CCDC33: variants seen among roughly 807,000 people sequenced by gnomAD.
CCDC33 encodes the protein coiled-coil domain-containing protein 33.
CCDC33 carries 94 observed loss-of-function variants against 91.9 expected under a neutral mutation model. That is an observed-to-expected ratio of 1.02 (90% CI 0.87 to 1.21). The LOEUF is 1.21. Ranked by LOEUF, CCDC33 falls within the 50% of genes most tolerant of loss-of-function variation. The probability of loss-of-function intolerance (pLI) is 0.00; values close to 1 mark genes in which losing one functional copy is unlikely to be tolerated. For synonymous variants in CCDC33, 396 were observed against 374.5 expected (o/e 1.06, Z -0.66); for missense variants, 940 against 935.5 (o/e 1.00, Z -0.06).
chr15:74,244,354 G>A lies in CCDC33; in HGVS notation c.185+206G>A, dbSNP rs1026475071. ...GGGCTGGGGAAGACAGGGTGCCAAC[G>A]GATCCAGAGAGTCACCCCTCCCCAC... On this transcript the variant is annotated intron_variant, in intron 2 of 18. Transcript: ENST00000398814. This position sits in a 1 kb window ranked among gnomAD's most constrained non-coding sequence, Gnocchi z 4.2. 2.0e-5 allele frequency among the ~76,000 whole-genome samples: 3 copies of A among 152,186 alleles called. No individual in the cohort carries two copies. Among genetic ancestry groups the A allele is most frequent in the Non-Finnish European group, 2.9e-5 (2 of 68,034 alleles).
At chr15:74,271,853 G>C (rs1595994689) in intron 6 of CCDC33, 59 bp downstream of exon 6, 4 of 1,446,566 alleles carry the variant, frequency 2.8e-6, no homozygotes, top group Non-Finnish European at 3.9e-6. Flanking sequence ...AGAGGAGGGG[G>C]TGAGGCTGTC....
Position 74,330,710 on chromosome 15 carries a change from C to A in CCDC33, c.1504C>A (p.Leu502Met). ...GCTGAGTGAGCTGGATATGAAGAAA[C>A]TGAGGGACAGGGTGCAGCATTTGCA... ...LLLSELDMKK[L>M]RDRVQHLQNE... The change falls in exon 13 of 19, where the codon CTG (leucine) becomes ATG (methionine). Residue 502 changes from leucine to methionine, a missense_variant. Transcript: ENST00000398814. 3.1e-6 allele frequency: 5 copies of A among 1,613,634 alleles called. No individual in the cohort carries two copies. The South Asian group carries it at 5.5e-5, about 18-fold the overall frequency.
chr15:74,331,374 A>G lies in CCDC33; in HGVS notation c.1771+78A>G, dbSNP rs1353321878. The stretch of plus-strand genomic sequence containing the variant: ...AGGCCCTGCCTTCCTGGAGCCTCTC[A>G]GCTTCAGGAGAACCTGCGAAGAGGT... On this transcript the variant is annotated intron_variant, in intron 15 of 18. Transcript: ENST00000398814. 2.8e-6 allele frequency: 4 copies of G among 1,435,646 alleles called. No homozygotes were observed. The Admixed American group carries it at 7.7e-5, about 28-fold the overall frequency. 88.9% of individuals were successfully genotyped at this position (1,435,646 alleles called of 1,614,324 possible). A position where few individuals can be genotyped will look rare whatever the true frequency, so the allele number is the denominator to read the frequency against.
intron 11 of CCDC33, among the ~76,000 whole-genome samples, chr15:74,324,157 G>A (rs1191956407): frequency 2.0e-5 from 3 of 148,936 alleles, no homozygotes; most frequent in South Asian, 2.1e-4. Flanking sequence ...TTATACTGTC[G>A]CTACCTGAGC....
At position 74,295,948 on chromosome 15, in the gene CCDC33, AGTGAGT is replaced by A; in HGVS notation, c.1290+3_1290+8del. ...TGGTGCCTGAGATGTCCCATGACAC[AGTGAGT>A]GTCTCTCCCCAGGTGGGAAGGGCCG... On this transcript the variant is annotated splice_donor_variant and splice_donor_5th_base_variant and intron_variant, in intron 11 of 18. Coordinates refer to ENST00000398814, the MANE Select transcript of CCDC33 (RefSeq NM_025055.5). LOFTEE classifies it high-confidence loss of function. 6.2e-7 allele frequency: 1 copy of A among 1,609,670 alleles called. No individual in the cohort carries two copies. The highest frequency in any genetic ancestry group is 1.3e-5 in the African/African-American group (1 of 74,888).
intron 17 of CCDC33, among the ~76,000 whole-genome samples, chr15:74,334,596 A>AGGTTAGGGTTCTGTGTATGACCAG (rs1298029186): frequency 7.5e-6 from 1 of 133,230 alleles, no homozygotes; most frequent in East Asian, 2.3e-4. Context: ...GTGTACAACG[A>AGGTTAGGGTTCTGTGTATGACCAG]GGTTAGGGTT....
intron 11 of CCDC33, chr15:74,318,445 A>T: frequency 2.0e-6 from 1 of 505,972 alleles, no homozygotes; most frequent in Non-Finnish European, 3.5e-6. Flanking sequence ...CCACCCAGAC[A>T]CCCCCCACCC....
chr15:74,219,764 C>T (rs1036689077), intron 2 of CCDC33, among the ~76,000 whole-genome samples: 4 of 152,132 alleles, frequency 2.6e-5, no homozygotes, highest in Non-Finnish European at 4.4e-5. Flanking sequence ...CTAACTCCGC[C>T]GACTGCCTGC....
chr15:74,317,756 G>C (rs2060118526), intron 11 of CCDC33, among the ~76,000 whole-genome samples: 1 of 152,170 alleles, frequency 6.6e-6, no homozygotes, highest in Non-Finnish European at 1.5e-5. Flanking sequence ...AGTTCAGCTG[G>C]GGAAAGGCAG....
intron 12 of CCDC33, 57 bp downstream of exon 12, chr15:74,330,411 G>A (rs978960939): frequency 6.7e-7 from 1 of 1,489,646 alleles, no homozygotes. Context: ...CCAGGCTCCA[G>A]GTTGTGCAAT....
chr15:74,203,648 C>T (rs577326156), intron 1 of CCDC33, among the ~76,000 whole-genome samples: 1 of 152,210 alleles, frequency 6.6e-6, no homozygotes, highest in Non-Finnish European at 1.5e-5. Context: ...TGAACACACA[C>T]TATGTGCCAG....
At chr15:74,265,191 G>T (rs1006647787) in intron 3 of CCDC33, among the ~76,000 whole-genome samples, 6 of 152,024 alleles carry the variant, frequency 3.9e-5, no homozygotes, top group African/African-American at 1.2e-4. Flanking sequence ...CCCAGCGGCT[G>T]AGCCCGCTGA....
In CCDC33 at chr15:74,272,785, A is replaced by ACAG; in HGVS notation, c.654_656dup (p.Asn218_Arg219insSer). The ACAG allele has an allele frequency of 6.2e-7, 1 of 1,614,164 alleles. No homozygotes were observed. The highest frequency in any genetic ancestry group is 8.5e-7 in the Non-Finnish European group (1 of 1,180,024). ...TGCCTCCCCAGGGTCAGCCAGGCTA[A>ACAG]CAGGGACCTGGCCTCTGTGGGGCTG... On this transcript the variant is annotated inframe_insertion, in exon 7 of 19. Transcript: ENST00000398814.
chr15:74,327,379 A>G (rs1344341075), intron 11 of CCDC33, among the ~76,000 whole-genome samples: 1 of 152,166 alleles, frequency 6.6e-6, no homozygotes, highest in African/African-American at 2.4e-5. Flanking sequence ...TCATTCCTCT[A>G]ATCTCAGCAC....
In CCDC33 at chr15:74,221,193, A is replaced by G. The variant is rs555617276; in HGVS notation, c.675+2332A>G. On this transcript the variant is annotated intron_variant, in intron 2 of 2. Coordinates refer to the CCDC33 transcript ENST00000635913. ...GTTGTAGGCTCACAAGTTGTTCTCC[A>G]GTTTGTGTAGTGTGTGGCACTGGTT... 1.7e-5 allele frequency: 16 copies of G among 951,006 alleles called. No individual in the cohort carries two copies. The African/African-American group carries it at 3.1e-4, about 19-fold the overall frequency. 58.9% of individuals were successfully genotyped at this position (951,006 alleles called of 1,614,324 possible). A position where few individuals can be genotyped will look rare whatever the true frequency, so the allele number is the denominator to read the frequency against.
intron 1 of CCDC33, among the ~76,000 whole-genome samples, chr15:74,203,952 G>C (rs11630924): frequency 0.14 from 21,075 of 152,206 alleles, 2,028 homozygotes; most frequent in Non-Finnish European, 0.21. Context: ...GAAACAGCAC[G>C]GGTGAAGTCT....
At chr15:74,263,172 A>G (rs568533351) in intron 3 of CCDC33, among the ~76,000 whole-genome samples, 3 of 152,166 alleles carry the variant, frequency 2.0e-5, no homozygotes, top group Non-Finnish European at 4.4e-5. Context: ...ACACACATGC[A>G]TGTGCACACT....
At chr15:74,335,184 G>T (rs2060539733) in intron 18 of CCDC33, 96 bp downstream of exon 18, 2 of 970,192 alleles carry the variant, frequency 2.1e-6, no homozygotes, top group Non-Finnish European at 3.4e-6. Flanking sequence ...AAAAGCCATT[G>T]TGGAGCCAAC....
chr15:74,316,689 C>T lies in CCDC33; in HGVS notation c.1291-13500C>T, dbSNP rs1369810046. 6.6e-6 allele frequency among the ~76,000 whole-genome samples: 1 copy of T among 152,104 alleles called. No individual in the cohort carries two copies. The highest frequency in any genetic ancestry group is 2.4e-5 in the African/African-American group (1 of 41,420). ...CCAGGGAGGATGGCCGACTCCACCA[C>T]GGGCCTCCCTTTCATTTCCCTGGAG... On this transcript the variant is annotated intron_variant, in intron 11 of 18. Transcript: ENST00000398814. This position sits in a 1 kb window ranked among gnomAD's most constrained non-coding sequence, Gnocchi z 4.7.
Sources: gnomAD v4.1 joint callset for allele counts (sites outside exome capture counted in the v4.1 genomes callset) on GRCh38, gnomAD v4.1.1 for gene constraint, Gnocchi (gnomAD v3.1) non-coding constraint, MANE v1.5 for transcripts, NCBI Gene and HGNC (gene_info 2026-07-23, HGNC 2026-07-21) for gene names.